The following MICU2 variants were observed in gnomAD, a reference collection of about 807,000 sequenced individuals.
The protein encoded by MICU2 is calcium uptake protein 2, mitochondrial.
MICU2 carries 64 observed loss-of-function variants against 60.4 expected under a neutral mutation model. That is an observed-to-expected ratio of 1.06 (90% CI 0.87 to 1.31). The LOEUF (loss-of-function observed/expected upper bound fraction) is 1.31, where lower values mean the gene tolerates loss of function less well. Ranked by LOEUF, MICU2 falls within the 50% of genes most tolerant of loss-of-function variation. The pLI is 0.00. For synonymous variants in MICU2, 201 were observed against 175.0 expected, an observed-to-expected ratio of 1.15 and a Z score of -1.17; for missense variants, 569 against 531.0, an observed-to-expected ratio of 1.07 and a Z score of -0.70.
At chr13:21,566,056 A>G (rs1025615277) in intron 2 of MICU2, among the ~76,000 whole-genome samples, 3 of 152,124 alleles carry the variant, frequency 2.0e-5, no homozygotes, top group African/African-American at 7.2e-5. Flanking sequence ...TGTCCCTAGA[A>G]TACACCATGA....
At chr13:21,495,637 G>A in intron 10 of MICU2, 1 of 245,536 alleles carries the variant, frequency 4.1e-6, no homozygotes, top group Non-Finnish European at 7.8e-6. Context: ...CCGGGTTCAA[G>A]CGATTCTCTT....
At position 21,531,687 on chromosome 13, in the gene MICU2, G is replaced by C. The variant is rs570748480; in HGVS notation, c.466+7615C>G. On this transcript the variant is annotated intron_variant, in intron 4 of 11. Coordinates refer to ENST00000382374, the MANE Select transcript of MICU2 (RefSeq NM_152726.3). Reference sequence around the variant, plus strand: ...GGTCATTTGTATGTAATGGATATGAGGTAGCTGAAGTTTGGTTCAGTAAGC... The same window carrying C: ...GGTCATTTGTATGTAATGGATATGACGTAGCTGAAGTTTGGTTCAGTAAGC... Among the ~76,000 whole-genome samples the C allele has an allele frequency of 4.6e-5, 7 of 152,274 alleles. No individual in the cohort carries two copies. The South Asian group carries it at 1.5e-3, about 32-fold the overall frequency.
rs190410639 is a variant in MICU2 at position 21,524,082 on chromosome 13, A to G, written c.467-1432T>C. Among the ~76,000 whole-genome samples, 256 of 152,310 alleles carry G rather than the reference A, an allele frequency of 1.7e-3. 3 individuals carry two copies. The highest frequency in any genetic ancestry group is 6.0e-3 in the African/African-American group (248 of 41,554). ...GTTTTAGGCTGCTTACACAGAAACG[A>G]TATCTCAAAAACCATGGCTTCCTGA... On this transcript the variant is annotated intron_variant, in intron 4 of 11. Coordinates refer to ENST00000382374, the MANE Select transcript of MICU2 (RefSeq NM_152726.3).
chr13:21,600,265 C>G (rs757173452), intron 1 of MICU2, among the ~76,000 whole-genome samples: 1 of 152,186 alleles, frequency 6.6e-6, no homozygotes, highest in Non-Finnish European at 1.5e-5. Context: ...AGCTCTTACT[C>G]TGCTGAGTCC....
intron 1 of MICU2, among the ~76,000 whole-genome samples, chr13:21,567,331 G>T (rs1888009482): frequency 6.6e-6 from 1 of 152,162 alleles, no homozygotes; most frequent in Non-Finnish European, 1.5e-5. Flanking sequence ...GAGTTAGTGT[G>T]TCCTGGGGTT....
chr13:21,574,986 A>G (rs1834273696), intron 1 of MICU2, among the ~76,000 whole-genome samples: 1 of 152,228 alleles, frequency 6.6e-6, no homozygotes, highest in African/African-American at 2.4e-5. Flanking sequence ...AATGACAGCC[A>G]ATGAGACAAC....
At chr13:21,584,878 A>C (rs1184594857) in intron 1 of MICU2, among the ~76,000 whole-genome samples, 1 of 152,224 alleles carries the variant, frequency 6.6e-6, no homozygotes, top group Non-Finnish European at 1.5e-5. Context: ...ATTCACAGTA[A>C]CAGAAGCATA....
At chr13:21,534,079 A>T (rs1039889647) in intron 4 of MICU2, among the ~76,000 whole-genome samples, 1 of 138,108 alleles carries the variant, frequency 7.2e-6, no homozygotes, top group African/African-American at 2.6e-5. Flanking sequence ...GAGACTGTCT[A>T]AAAAAAAAAA....
At chr13:21,519,284 C>T (rs1886657644) in intron 6 of MICU2, among the ~76,000 whole-genome samples, 1 of 152,164 alleles carries the variant, frequency 6.6e-6, no homozygotes, top group Non-Finnish European at 1.5e-5. Flanking sequence ...TCTCAAACTG[C>T]TGACCTCAGG....
intron 1 of MICU2, among the ~76,000 whole-genome samples, chr13:21,578,359 G>A (rs1322573273): frequency 6.6e-6 from 1 of 152,204 alleles, no homozygotes; most frequent in Non-Finnish European, 1.5e-5. Context: ...GGCTGAGGCA[G>A]GAAGACTACT....
chr13:21,590,089 G>A (rs1888547580), intron 1 of MICU2, among the ~76,000 whole-genome samples: 1 of 152,116 alleles, frequency 6.6e-6, no homozygotes, highest in South Asian at 2.1e-4. Context: ...GAAATACAGA[G>A]AACACCATTA....
intron 2 of MICU2, among the ~76,000 whole-genome samples, chr13:21,545,212 A>G (rs1444091057): frequency 1.3e-5 from 2 of 152,250 alleles, no homozygotes; most frequent in African/African-American, 4.8e-5. Context: ...GATGAAGAAC[A>G]GATAATGAAA....
chr13:21,503,880 ACTAT>A (rs762604678), intron 8 of MICU2, among the ~76,000 whole-genome samples: 16 of 152,350 alleles, frequency 1.1e-4, no homozygotes, highest in Non-Finnish European at 1.9e-4. Flanking sequence ...AAAGATCGGT[ACTAT>A]CTGTCATGTC....
chr13:21,584,097 T>C (rs1197177901), intron 1 of MICU2, among the ~76,000 whole-genome samples: 1 of 152,144 alleles, frequency 6.6e-6, no homozygotes, highest in Non-Finnish European at 1.5e-5. Context: ...ATTTTAAAAA[T>C]GGTTTGCACT....
intron 2 of MICU2, 33 bp downstream of exon 2, chr13:21,566,761 ATTT>A: frequency 6.7e-7 from 1 of 1,499,218 alleles, no homozygotes; most frequent in Non-Finnish European, 8.9e-7. Flanking sequence ...CTGAAGTCTG[ATTT>A]TTTTAATTAA....
chr13:21,566,505 T>A (rs1887985525), intron 2 of MICU2, among the ~76,000 whole-genome samples: 1 of 151,840 alleles, frequency 6.6e-6, no homozygotes, highest in Non-Finnish European at 1.5e-5. Flanking sequence ...GTTTCATTTT[T>A]TTTTTTGGCC....
At chr13:21,512,650 C>T (rs2138151338) in intron 7 of MICU2, among the ~76,000 whole-genome samples, 1 of 152,126 alleles carries the variant, frequency 6.6e-6, no homozygotes, top group African/African-American at 2.4e-5. Flanking sequence ...AGGGTTTCAC[C>T]ATGTTAGCCA....
intron 9 of MICU2, among the ~76,000 whole-genome samples, chr13:21,501,231 T>C (rs1886142698): frequency 6.6e-6 from 1 of 152,180 alleles, no homozygotes; most frequent in Admixed American, 6.5e-5. Flanking sequence ...GGTTTGATAA[T>C]ATATTTTAAT....
chr13:21,505,454 T>G (rs1230283946), intron 8 of MICU2, among the ~76,000 whole-genome samples: 2 of 152,274 alleles, frequency 1.3e-5, no homozygotes, highest in Admixed American at 1.3e-4. Context: ...GAATTTAAAT[T>G]ATCTGCTGCT....
Sources: gnomAD v4.1 joint callset for allele counts (sites outside exome capture counted in the v4.1 genomes callset) on GRCh38, gnomAD v4.1.1 for gene constraint, MANE v1.5 for transcripts, NCBI Gene and HGNC (gene_info 2026-07-23, HGNC 2026-07-21) for gene names.